The following TXNRD1 variants were observed in gnomAD, a reference collection of about 807,000 sequenced individuals.
TXNRD1 encodes thioredoxin reductase 1.
A neutral mutation model predicts 80.3 loss-of-function variants in TXNRD1; 57 were observed. That is an observed-to-expected ratio of 0.71 (90% confidence interval 0.57 to 0.89). The LOEUF (loss-of-function observed/expected upper bound fraction) is 0.89. Ranked by LOEUF, TXNRD1 falls within the 40% of genes least tolerant of loss-of-function variation. The pLI is 0.00. For synonymous variants in TXNRD1, 291 were observed against 285.2 expected, an observed-to-expected ratio of 1.02 and a Z score of -0.20; for missense variants, 730 against 803.0, an observed-to-expected ratio of 0.91 and a Z score of 1.10.
chr12:104,236,246 A>G (rs1303917193), intron 1 of TXNRD1, among the ~76,000 whole-genome samples: 1 of 152,182 alleles, frequency 6.6e-6, no homozygotes, highest in African/African-American at 2.4e-5. Flanking sequence ...CTGAAAACAA[A>G]ATGGAATTGT....
At chr12:104,278,501 ATTTTT>A (rs34336501) in intron 3 of TXNRD1, among the ~76,000 whole-genome samples, 6 of 105,134 alleles carry the variant, frequency 5.7e-5, no homozygotes, top group South Asian at 3.1e-4. Context: ...GCCCAGCCTA[ATTTTT>A]TTTTTTTTTT....
chr12:104,301,765 A>C (rs1565887118), intron 4 of TXNRD1, among the ~76,000 whole-genome samples: 2 of 152,236 alleles, frequency 1.3e-5, no homozygotes, highest in Non-Finnish European at 2.9e-5. Flanking sequence ...AACAAGTTCA[A>C]ATACTAGTTT....
At chr12:104,302,157 C>T (rs933261424) in intron 4 of TXNRD1, among the ~76,000 whole-genome samples, 3 of 152,228 alleles carry the variant, frequency 2.0e-5, no homozygotes, top group Non-Finnish European at 2.9e-5. Context: ...GAAAAATGCA[C>T]GTATCTCCCT....
At chr12:104,325,687 C>G (rs1163621066) in intron 11 of TXNRD1, among the ~76,000 whole-genome samples, 1 of 152,142 alleles carries the variant, frequency 6.6e-6, no homozygotes, top group African/African-American at 2.4e-5. Flanking sequence ...TCCTGGCCAA[C>G]GTGGTGAAAC....
At chr12:104,267,653 C>CCTTCTTTCTTTCTTTCTTTCTTTCTT (rs1565870015) in intron 3 of TXNRD1, among the ~76,000 whole-genome samples, 1 of 27,336 alleles carries the variant, frequency 3.7e-5, no homozygotes, top group Non-Finnish European at 7.7e-5. Context: ...TGGTATCTTT[C>CCTTCTTTCTTTCTTTCTTTCTTTCTT]TTTCTTTCTT....
intron 1 of TXNRD1, among the ~76,000 whole-genome samples, chr12:104,232,072 A>G (rs1012268637): frequency 1.3e-5 from 2 of 152,240 alleles, no homozygotes; most frequent in African/African-American, 4.8e-5. Flanking sequence ...TTATTTGCAT[A>G]AAGTGCAGCA....
At chr12:104,289,188 G>A in intron 4 of TXNRD1, 148 bp downstream of exon 4, 1 of 877,640 alleles carries the variant, frequency 1.1e-6, no homozygotes, top group Non-Finnish European at 1.7e-6. Context: ...GTGGGCTAGC[G>A]CATGTGTTAA....
intron 1 of TXNRD1, among the ~76,000 whole-genome samples, chr12:104,250,239 G>A (rs1436014631): frequency 6.6e-6 from 1 of 152,054 alleles, no homozygotes; most frequent in African/African-American, 2.4e-5. Context: ...CTGCCTCATA[G>A]AACACATGCA....
intron 4 of TXNRD1, among the ~76,000 whole-genome samples, chr12:104,291,381 A>G (rs762192493): frequency 4.8e-5 from 7 of 146,248 alleles, no homozygotes; most frequent in Non-Finnish European, 7.5e-5. Context: ...TTGTATTTTT[A>G]GTAGAGATGG....
chr12:104,261,383 G>C (rs565872293), intron 3 of TXNRD1, among the ~76,000 whole-genome samples: 1 of 152,044 alleles, frequency 6.6e-6, no homozygotes, highest in Non-Finnish European at 1.5e-5. Context: ...GGCTGGTCTT[G>C]AACTCCTGAC....
Position 104,306,964 on chromosome 12 carries a change from G to T in TXNRD1, c.415-4326G>T, listed in dbSNP as rs567801081. On this transcript the variant is annotated intron_variant, in intron 4 of 16. Coordinates refer to ENST00000525566, the MANE Select transcript of TXNRD1 (RefSeq NM_001093771.3). Reference sequence around the variant, plus strand: ...ATGTCTTTACTAGGAGTATTTGACAGTGATGATTTAAAAGCATTAATAGAG... The same window carrying T: ...ATGTCTTTACTAGGAGTATTTGACATTGATGATTTAAAAGCATTAATAGAG... Among the ~76,000 whole-genome samples the T allele has an allele frequency of 7.2e-5, 11 of 152,306 alleles. No homozygotes were observed. In the South Asian group the frequency reaches 1.9e-3, roughly 26 times the overall value.
At chr12:104,265,975 A>G (rs1227195665) in intron 3 of TXNRD1, 5 of 609,684 alleles carry the variant, frequency 8.2e-6, no homozygotes, top group Non-Finnish European at 1.1e-5. Flanking sequence ...AAAAGAAAAG[A>G]AATAATAATA....
chr12:104,250,207 T>C (rs1033695304), intron 1 of TXNRD1, among the ~76,000 whole-genome samples: 2 of 152,084 alleles, frequency 1.3e-5, no homozygotes, highest in Non-Finnish European at 2.9e-5. Flanking sequence ...GTTATCCACA[T>C]GCAAAAGAAG....
intron 4 of TXNRD1, among the ~76,000 whole-genome samples, chr12:104,290,714 AATATACATAT>A (rs1233135957): frequency 2.4e-4 from 12 of 49,154 alleles, no homozygotes; most frequent in African/African-American, 6.3e-4. Flanking sequence ...AAAAAAAAGA[AATATACATAT>A]ATATATATAT....
At chr12:104,273,055 C>T (rs1420331118) in intron 3 of TXNRD1, among the ~76,000 whole-genome samples, 2 of 152,122 alleles carry the variant, frequency 1.3e-5, no homozygotes, top group Admixed American at 6.6e-5. Flanking sequence ...CGAAAGAAGC[C>T]GCCATGTCTG....
At position 104,288,914 on chromosome 12, in the gene TXNRD1, G is replaced by C. The variant is rs1279322139; in HGVS notation, c.305-17G>C. 1 of 1,613,996 alleles carries C rather than the reference G, an allele frequency of 6.2e-7. No individual in the cohort carries two copies. The highest frequency in any genetic ancestry group is 1.3e-5 in the African/African-American group (1 of 75,068). ...AGAAGCACCTTACACGCTCCGCTCTGCTTTTGTGCCACACAGAGGACGGTC... is the reference window on the plus strand; with the variant it reads ...AGAAGCACCTTACACGCTCCGCTCTCCTTTTGTGCCACACAGAGGACGGTC... On this transcript the variant is annotated splice_polypyrimidine_tract_variant and intron_variant, in intron 3 of 16. Coordinates refer to ENST00000525566, the MANE Select transcript of TXNRD1 (RefSeq NM_001093771.3).
chr12:104,250,130 A>T (rs571177810), intron 1 of TXNRD1, among the ~76,000 whole-genome samples: 1 of 152,282 alleles, frequency 6.6e-6, no homozygotes, highest in East Asian at 1.9e-4. Flanking sequence ...TTGATTTTTG[A>T]CAAGGTTGGC....
rs141879722 is a variant in TXNRD1 at position 104,322,547 on chromosome 12, A to C, written c.1215+1231A>C. ...AGGTGCGTGCCACCACACCCGGCTAATTTTTATATTTTCAGTAGAGAGGGC... is the reference window on the plus strand; with the variant it reads ...AGGTGCGTGCCACCACACCCGGCTACTTTTTATATTTTCAGTAGAGAGGGC... On this transcript the variant is annotated intron_variant, in intron 10 of 16. Coordinates refer to ENST00000525566, the MANE Select transcript of TXNRD1 (RefSeq NM_001093771.3). 5.6e-4 allele frequency among the ~76,000 whole-genome samples: 85 copies of C among 151,812 alleles called. 2 individuals carry two copies. The highest frequency in any genetic ancestry group is 1.9e-3 in the African/African-American group (80 of 41,396).
rs914767063 is a variant in TXNRD1, at chr12:104,301,345, A to ATT, written c.415-9936_415-9935dup. On this transcript the variant is annotated intron_variant, in intron 4 of 16. Transcript: ENST00000525566. ...TTCTTTTGTAAGTAGCTTTTGTTGA[A>ATT]TTTTTTTTTTGAGATGGAGTCTCGC... 1.0e-4 allele frequency among the ~76,000 whole-genome samples: 15 copies of ATT among 149,620 alleles called. No homozygotes were observed. The East Asian group carries it at 3.0e-3, about 29-fold the overall frequency.
Sources: allele counts gnomAD v4.1 joint callset (sites outside exome capture counted in the v4.1 genomes callset), GRCh38; gene constraint gnomAD v4.1.1; transcripts MANE v1.5; gene names NCBI Gene and HGNC (gene_info 2026-07-23, HGNC 2026-07-21).